Variants in B4GALT5 observed in about 807,000 individuals in gnomAD.
B4GALT5 encodes the protein beta-1,4-galactosyltransferase 5.
In B4GALT5, 11 loss-of-function variants were observed where a neutral mutation model predicts 45.0. The ratio of observed to expected loss-of-function variants is 0.24; its 90% confidence interval spans 0.15 to 0.40. The LOEUF is 0.40. B4GALT5 is among the 10% of genes least tolerant of loss of function. The probability of loss-of-function intolerance (pLI) is 1.00; values close to 1 mark genes in which losing one functional copy is unlikely to be tolerated. For synonymous variants in B4GALT5, 185 were observed against 182.9 expected, an observed-to-expected ratio of 1.01 and a Z score of -0.09; for missense variants, 337 against 500.2, an observed-to-expected ratio of 0.67 and a Z score of 3.11.
At chr20:49,678,262 G>T (rs4810973) in intron 1 of B4GALT5, among the ~76,000 whole-genome samples, 1 of 152,044 alleles carries the variant, frequency 6.6e-6, no homozygotes, top group Non-Finnish European at 1.5e-5. Flanking sequence ...AGGTCAACTT[G>T]GTTACTAATT....
intron 1 of B4GALT5, among the ~76,000 whole-genome samples, chr20:49,681,893 T>A (rs552920842): frequency 5.9e-5 from 9 of 152,120 alleles, no homozygotes; most frequent in Non-Finnish European, 1.2e-4. Flanking sequence ...CTCAAGAGTT[T>A]AAGACCAGTT....
At chr20:49,700,294 G>A (rs1033023642) in intron 1 of B4GALT5, among the ~76,000 whole-genome samples, 45 of 152,196 alleles carry the variant, frequency 3.0e-4, no homozygotes, top group African/African-American at 9.1e-4. Flanking sequence ...CAATAAAATG[G>A]AACAATTATA....
chr20:49,648,957 A>G (rs1260885144), intron 2 of B4GALT5, among the ~76,000 whole-genome samples: 2 of 152,216 alleles, frequency 1.3e-5, no homozygotes, highest in African/African-American at 4.8e-5. Flanking sequence ...TGATTCTATG[A>G]AAATTAAAAC....
At chr20:49,649,473 G>C (rs8125243) in intron 2 of B4GALT5, among the ~76,000 whole-genome samples, 1 of 151,946 alleles carries the variant, frequency 6.6e-6, no homozygotes, top group Admixed American at 6.6e-5. Context: ...CCAGCTACTC[G>C]GGAGGCTGAG....
intron 1 of B4GALT5, among the ~76,000 whole-genome samples, chr20:49,658,111 G>C (rs982090494): frequency 2.0e-5 from 3 of 152,182 alleles, no homozygotes; most frequent in Non-Finnish European, 4.4e-5. Flanking sequence ...TTGATTGGGA[G>C]ACAGCCCTAT....
At position 49,682,033 on chromosome 20, in the gene B4GALT5, T is replaced by C. The variant is rs559330710; in HGVS notation, c.116-25331A>G. The stretch of plus-strand genomic sequence containing the variant: ...AGCATTTGAGCCTTTGAGGTTGAGG[T>C]TGTAGTGAGCTTCCATTGCATCACT... On this transcript the variant is annotated intron_variant, in intron 1 of 8. Transcript: ENST00000371711. Among the ~76,000 whole-genome samples the C allele has an allele frequency of 1.6e-4, 25 of 152,186 alleles. No individual in the cohort carries two copies. The South Asian group carries it at 4.8e-3, about 29-fold the overall frequency.
chr20:49,711,505 G>C (rs1329812127), intron 1 of B4GALT5, among the ~76,000 whole-genome samples: 2 of 152,018 alleles, frequency 1.3e-5, no homozygotes, highest in African/African-American at 4.8e-5. Flanking sequence ...TTCACAAAAG[G>C]AGAAAAAAAG....
intron 7 of B4GALT5, among the ~76,000 whole-genome samples, chr20:49,638,524 T>C (rs1012997800): frequency 3.9e-5 from 6 of 152,212 alleles, no homozygotes; most frequent in African/African-American, 7.2e-5. Flanking sequence ...GTACAAGCCT[T>C]ATGTGATGGC....
At chr20:49,677,506 T>C (rs1256294540) in intron 1 of B4GALT5, among the ~76,000 whole-genome samples, 1 of 152,232 alleles carries the variant, frequency 6.6e-6, no homozygotes, top group African/African-American at 2.4e-5. Flanking sequence ...AAACATTTGT[T>C]GGTAATTATG....
chr20:49,708,079 CAAAAAAAA>C (rs11469156), intron 1 of B4GALT5, among the ~76,000 whole-genome samples: 4 of 119,158 alleles, frequency 3.4e-5, no homozygotes, highest in African/African-American at 9.5e-5. Context: ...ACTAAAAATA[CAAAAAAAA>C]AAAAAAAAAT....
intron 2 of B4GALT5, among the ~76,000 whole-genome samples, chr20:49,654,053 C>T (rs1394510914): frequency 1.3e-5 from 2 of 152,178 alleles, no homozygotes; most frequent in African/African-American, 4.8e-5. Context: ...ATATTCCAGC[C>T]TCATCTAACA....
chr20:49,695,483 C>T (rs1480299490), intron 1 of B4GALT5, among the ~76,000 whole-genome samples: 1 of 151,538 alleles, frequency 6.6e-6, no homozygotes, highest in East Asian at 1.9e-4. Context: ...GCAATCTCGG[C>T]TCACTGTAAC....
rs189774611 is a variant in B4GALT5 at position 49,653,147 on chromosome 20, A to C, written c.250+3421T>G. 8.9e-4 allele frequency among the ~76,000 whole-genome samples: 136 copies of C among 152,332 alleles called. 1 individual carries two copies. Among genetic ancestry groups the C allele is most frequent in the African/African-American group, 3.2e-3 (131 of 41,576 alleles). ...ATTTCTGATTTTTTAGGATTTTGGA[A>C]TATCTGCATTATACTTACCAGTTGA... On this transcript the variant is annotated intron_variant, in intron 2 of 8. Transcript: ENST00000371711.
At chr20:49,644,624 C>T (rs1010793060) in intron 3 of B4GALT5, among the ~76,000 whole-genome samples, 2 of 152,134 alleles carry the variant, frequency 1.3e-5, no homozygotes, top group African/African-American at 4.8e-5. Flanking sequence ...TAGTTTTAGG[C>T]CTGTCAACGC....
In B4GALT5 at chr20:49,663,693, ATATACATATAT is replaced by A. The variant is rs1568722621; in HGVS notation, c.116-7002_116-6992del. Among the ~76,000 whole-genome samples the A allele has an allele frequency of 1.5e-3, 80 of 52,274 alleles. 4 individuals carry two copies. The highest frequency in any genetic ancestry group is 4.8e-3 in the African/African-American group (53 of 10,960). The allele number at this position is 52,274 out of a possible 152,430, so 34.3% of individuals were successfully genotyped here. On this transcript the variant is annotated intron_variant, in intron 1 of 8. Transcript: ENST00000371711. Reference sequence around the variant, plus strand: ...ATCTCAAGAAAAAAAAAAAAAAAATATATACATATATATATATATATATATATATATATATG... The same window carrying A: ...ATCTCAAGAAAAAAAAAAAAAAAATAATATATATATATATATATATATATG...
At chr20:49,659,423 T>C (rs1467853735) in intron 1 of B4GALT5, among the ~76,000 whole-genome samples, 1 of 152,124 alleles carries the variant, frequency 6.6e-6, no homozygotes, top group African/African-American at 2.4e-5. Context: ...TCTGTGATGG[T>C]CTATTACAGA....
intron 1 of B4GALT5, among the ~76,000 whole-genome samples, chr20:49,692,453 C>T (rs552674627): frequency 2.0e-5 from 3 of 152,160 alleles, no homozygotes; most frequent in East Asian, 3.9e-4. Flanking sequence ...GGTGACAGAG[C>T]GAGACCCTGT....
rs1482554308 is a variant in B4GALT5, at chr20:49,635,750, C to T, written c.*562G>A. The T allele has an allele frequency of 6.5e-6, 1 of 152,710 alleles. No individual in the cohort carries two copies. The highest frequency in any genetic ancestry group is 1.5e-5 in the Non-Finnish European group (1 of 68,238). The allele number at this position is 152,710 out of a possible 1,614,324, so 9.5% of individuals were successfully genotyped here. On this transcript the variant is annotated 3_prime_UTR_variant, in exon 9 of 9. Coordinates refer to ENST00000371711, the MANE Select transcript of B4GALT5 (RefSeq NM_004776.4). ...ATATATTTATGTCTATTTATCTTTC[C>T]CAAACACCCTCCCCTCCACCCTCAA...
intron 1 of B4GALT5, among the ~76,000 whole-genome samples, chr20:49,688,312 A>G (rs528631153): frequency 6.6e-6 from 1 of 152,304 alleles, no homozygotes; most frequent in South Asian, 2.1e-4. Context: ...ATGTACTAAG[A>G]AGACAAAGAT....
Sources: gnomAD v4.1 joint callset for allele counts (sites outside exome capture counted in the v4.1 genomes callset) on GRCh38, gnomAD v4.1.1 for gene constraint, MANE v1.5 for transcripts, NCBI Gene and HGNC (gene_info 2026-07-23, HGNC 2026-07-21) for gene names.